The following PDE2A variants were observed in gnomAD, a reference collection of about 807,000 sequenced individuals.
PDE2A encodes phosphodiesterase 2A.
PDE2A carries 53 observed loss-of-function variants against 133.6 expected under a neutral mutation model. The observed-to-expected ratio is 0.40, with a 90% CI of 0.32 to 0.50. PDE2A has a LOEUF of 0.50. Among genes scored for constraint, PDE2A ranks in the 20% least tolerant of loss-of-function variants. PDE2A has a pLI of 0.73. For missense variants in PDE2A, 796 were observed against 1,232.4 expected, an observed-to-expected ratio of 0.65 and a Z score of 5.30; for synonymous variants, 491 against 490.2, an observed-to-expected ratio of 1.00 and a Z score of -0.02.
chr11:72,610,646 A>G (rs1018777310), intron 2 of PDE2A, among the ~76,000 whole-genome samples: 4 of 152,182 alleles, frequency 2.6e-5, no homozygotes, highest in African/African-American at 9.7e-5. Flanking sequence ...GGTCATGGGA[A>G]GATGTCTACC....
intron 2 of PDE2A, among the ~76,000 whole-genome samples, chr11:72,620,218 C>G (rs988108255): frequency 6.6e-6 from 1 of 152,188 alleles, no homozygotes; most frequent in African/African-American, 2.4e-5. Context: ...GATTATAGGA[C>G]TGGGGTAGAC....
At position 72,668,093 on chromosome 11, in the gene PDE2A, T is replaced by C. The variant is rs534434103; in HGVS notation, c.71+6044A>G. 5.9e-5 allele frequency among the ~76,000 whole-genome samples: 9 copies of C among 152,330 alleles called. No individual in the cohort carries two copies. In the South Asian group the frequency reaches 1.7e-3, roughly 28 times the overall value. On this transcript the variant is annotated intron_variant, in intron 1 of 30. Coordinates refer to ENST00000334456, the MANE Select transcript of PDE2A (RefSeq NM_002599.5). Reference sequence around the variant, plus strand: ...AATCAGAAAACCCTTGGGTGGATCCTGGTGGGCCACAACACAAAGTCCAAA... The same window carrying C: ...AATCAGAAAACCCTTGGGTGGATCCCGGTGGGCCACAACACAAAGTCCAAA...
At position 72,642,486 on chromosome 11, in the gene PDE2A, G is replaced by GC. The variant is rs1259167979; in HGVS notation, c.72-161dup. On this transcript the variant is annotated intron_variant, in intron 1 of 30. Coordinates refer to ENST00000334456, the MANE Select transcript of PDE2A (RefSeq NM_002599.5). ...GTCCGCCCCGGCCCCGCCCCGGCCC[G>GC]CCCCCCGCCCGCCCCCGGCCCGCCC... The GC allele has an allele frequency of 8.2e-6, 5 of 607,652 alleles. No homozygotes were observed. In the African/African-American group the frequency reaches 2.3e-4, roughly 28 times the overall value. 37.6% of individuals were successfully genotyped at this position (607,652 alleles called of 1,614,324 possible).
chr11:72,657,797 C>A, intron 1 of PDE2A: 1 of 454,448 alleles, frequency 2.2e-6, no homozygotes, highest in South Asian at 1.6e-5. Flanking sequence ...CTCAGCCTCC[C>A]AACACCCTGG....
At chr11:72,664,042 G>C (rs1156640484) in intron 1 of PDE2A, among the ~76,000 whole-genome samples, 3 of 152,216 alleles carry the variant, frequency 2.0e-5, no homozygotes, top group Admixed American at 2.0e-4. Flanking sequence ...AGAGCAAAGG[G>C]TGAGAAGCAT....
chr11:72,636,227 G>A, intron 2 of PDE2A: 1 of 779,856 alleles, frequency 1.3e-6, no homozygotes, highest in South Asian at 5.3e-5. Flanking sequence ...AGAGGCAGCA[G>A]CTTCAAGGGA....
At position 72,664,364 on chromosome 11, in the gene PDE2A, ATTTTTTTTTTTTT is replaced by A. The variant is rs34217943; in HGVS notation, c.71+9760_71+9772del. ...CAAAATAGGGCTAGCCCCTTGAAGG[ATTTTTTTTTTTTT>A]TTTTTTTTTTTTTTGAGACGGAGTC... On this transcript the variant is annotated intron_variant, in intron 1 of 30. Transcript: ENST00000334456. 4.3e-5 allele frequency among the ~76,000 whole-genome samples: 3 copies of A among 70,104 alleles called. 1 individual carries two copies. Among genetic ancestry groups the A allele is most frequent in the South Asian group, 1.3e-3 (2 of 1,594 alleles). The allele number at this position is 70,104 out of a possible 152,430, so 46.0% of individuals were successfully genotyped here.
At position 72,674,416 on chromosome 11, in the gene PDE2A, T is replaced by C; in HGVS notation, c.-209A>G. ...GCTGCCACTGCCTCTGCTGCTCGGC[T>C]GGCTCTGGGAGGAGGTTGGAGCAGG... On this transcript the variant is annotated 5_prime_UTR_variant, in exon 1 of 31. Transcript: ENST00000334456. 1 of 568,720 alleles carries C rather than the reference T, an allele frequency of 1.8e-6. No individual in the cohort carries two copies. The highest frequency in any genetic ancestry group is 3.0e-5 in the East Asian group (1 of 33,344). 35.2% of individuals were successfully genotyped at this position (568,720 alleles called of 1,614,324 possible).
At chr11:72,584,134 G>T in intron 19 of PDE2A, 67 bp downstream of exon 19, 1 of 818,444 alleles carries the variant, frequency 1.2e-6, no homozygotes, top group South Asian at 1.6e-5. Context: ...CGGAGGAGGA[G>T]AACCGAGGGT....
At chr11:72,635,252 C>A (rs151449) in intron 2 of PDE2A, among the ~76,000 whole-genome samples, 87,674 of 151,954 alleles carry the variant, frequency 0.58, 26,245 homozygotes, top group Middle Eastern at 0.78. Context: ...GGTCTCTATT[C>A]TCTAAGGCCA....
Position 72,597,747 on chromosome 11 carries a change from G to A in PDE2A, c.324-128C>T. On this transcript the variant is annotated intron_variant, in intron 4 of 30. Coordinates refer to ENST00000334456, the MANE Select transcript of PDE2A (RefSeq NM_002599.5). The surrounding 1 kb of genome is among the most constrained non-coding windows in gnomAD (Gnocchi z 4.6). ...ATCTGGGCAAGCTGACCTGCCTCAGGTTGGACACGATGACAGCACAAGTAA... is the reference window on the plus strand; with the variant it reads ...ATCTGGGCAAGCTGACCTGCCTCAGATTGGACACGATGACAGCACAAGTAA... 1 of 623,980 alleles carries A rather than the reference G, an allele frequency of 1.6e-6. No individual in the cohort carries two copies. Among genetic ancestry groups the A allele is most frequent in the East Asian group, 2.8e-5 (1 of 35,802 alleles). 38.7% of individuals were successfully genotyped at this position (623,980 alleles called of 1,614,324 possible).
At chr11:72,579,158 G>C (rs913835221) in intron 27 of PDE2A, 126 bp downstream of exon 27, 4 of 934,060 alleles carry the variant, frequency 4.3e-6, no homozygotes, top group Admixed American at 1.8e-5. Context: ...GCCTGGGGGG[G>C]GCCGTGCAGC....
intron 6 of PDE2A, among the ~76,000 whole-genome samples, chr11:72,595,763 G>C (rs1306126288): frequency 6.6e-6 from 1 of 152,084 alleles, no homozygotes; most frequent in Non-Finnish European, 1.5e-5. Context: ...TCATCCTTTG[G>C]TTACTAGGAT....
chr11:72,651,072 G>C (rs1352687936), intron 1 of PDE2A, among the ~76,000 whole-genome samples: 2 of 152,148 alleles, frequency 1.3e-5, no homozygotes, highest in African/African-American at 2.4e-5. Context: ...TGGCTTCAAG[G>C]CTCCAAGAAC....
chr11:72,658,579 C>G (rs572497227), intron 1 of PDE2A, among the ~76,000 whole-genome samples: 1 of 152,152 alleles, frequency 6.6e-6, no homozygotes, highest in Non-Finnish European at 1.5e-5. Context: ...GTGATCCTCC[C>G]GCCTCAGCTT....
intron 2 of PDE2A, among the ~76,000 whole-genome samples, chr11:72,619,876 C>T (rs1312166225): frequency 4.6e-5 from 7 of 152,120 alleles, no homozygotes; most frequent in Non-Finnish European, 7.3e-5. Flanking sequence ...GTTCCTCATC[C>T]GTAAAATGGT....
intron 2 of PDE2A, among the ~76,000 whole-genome samples, chr11:72,629,213 C>G (rs892305251): frequency 6.6e-6 from 1 of 152,122 alleles, no homozygotes; most frequent in Non-Finnish European, 1.5e-5. Flanking sequence ...ATGGGAAGGA[C>G]GAGGCCGGTG....
In PDE2A at chr11:72,584,879, T is replaced by A. The variant is rs758811991; in HGVS notation, c.1352A>T (p.Asp451Val). 6 of 1,613,904 alleles carry A rather than the reference T, an allele frequency of 3.7e-6. No individual in the cohort carries two copies. Among genetic ancestry groups the A allele is most frequent in the Non-Finnish European group, 5.1e-6 (6 of 1,179,826 alleles). Residue 451 changes from aspartate to valine, a missense_variant, in exon 17 of 31, where the codon GAT becomes GTT. Asp to Val is a radical substitution (Grantham distance 152, BLOSUM62 -3). This residue lies in a region of PDE2A where 218 missense variants were observed against 465.9 expected (regional missense o/e 0.47). Transcript: ENST00000334456. ...CCCTCCACACCCTCTCACCTCATCA[T>A]CCACCACGCCCCCGTCGAACACCTT... ...VAKVFDGGVVDDESYEIRIPA... is the reference protein window; with the variant it reads ...VAKVFDGGVVVDESYEIRIPA...
chr11:72,626,353 G>A (rs1373290183), intron 2 of PDE2A, among the ~76,000 whole-genome samples: 2 of 152,214 alleles, frequency 1.3e-5, no homozygotes, highest in Non-Finnish European at 2.9e-5. Context: ...CAGCCCAACA[G>A]GGGCACAGAC....
Sources: gnomAD v4.1 joint callset for allele counts (sites outside exome capture counted in the v4.1 genomes callset) on GRCh38, gnomAD v4.1.1 for gene constraint, gnomAD v4.1.1 regional missense constraint, Gnocchi (gnomAD v3.1) non-coding constraint, MANE v1.5 for transcripts, NCBI Gene and HGNC (gene_info 2026-07-23, HGNC 2026-07-21) for gene names.